The following UMODL1 variants were observed in gnomAD, a reference collection of about 807,000 sequenced individuals.
The protein encoded by UMODL1 is uromodulin like 1.
Under a neutral mutation model 136.3 loss-of-function variants are expected in UMODL1, and 128 were observed. That is an observed-to-expected ratio of 0.94 (90% CI 0.81 to 1.09). The LOEUF (loss-of-function observed/expected upper bound fraction) is 1.09, where lower values mean the gene tolerates loss of function less well. Among genes scored for constraint, UMODL1 ranks in the 50% least tolerant of loss-of-function variants. UMODL1 has a pLI of 0.00. For missense variants in UMODL1, 1,766 were observed against 1,725.6 expected (o/e 1.02, Z -0.41); for synonymous variants, 721 against 720.0 (o/e 1.00, Z -0.02).
At chr21:42,100,288 A>G (rs2066610719) in intron 7 of UMODL1, among the ~76,000 whole-genome samples, 1 of 152,166 alleles carries the variant, frequency 6.6e-6, no homozygotes. Flanking sequence ...AAGTTGCTGC[A>G]TGAAGACCAT....
chr21:42,072,191 C>G (rs554410828), intron 1 of UMODL1, among the ~76,000 whole-genome samples: 11 of 152,224 alleles, frequency 7.2e-5, no homozygotes, highest in African/African-American at 2.7e-4. Flanking sequence ...GGGCTCTGTC[C>G]GGAGTTTTCC....
chr21:42,133,668 C>T (rs769129891), intron 21 of UMODL1, among the ~76,000 whole-genome samples: 14 of 152,204 alleles, frequency 9.2e-5, no homozygotes, highest in Non-Finnish European at 1.9e-4. Flanking sequence ...GCCGCTTCCT[C>T]GTTTCTGCTG....
At chr21:42,103,660 G>T in intron 8 of UMODL1, 1 of 696,144 alleles carries the variant, frequency 1.4e-6, no homozygotes. Flanking sequence ...GCACACACCA[G>T]GCCAGGCCCG....
At chr21:42,094,901 G>A (rs1248936754) in intron 6 of UMODL1, among the ~76,000 whole-genome samples, 2 of 152,010 alleles carry the variant, frequency 1.3e-5, no homozygotes, top group African/African-American at 2.4e-5. Context: ...TCAAACAAGA[G>A]AAATGTATCC....
intron 6 of UMODL1, 132 bp from the exon 7 acceptor site, chr21:42,098,794 C>G: frequency 7.3e-7 from 1 of 1,369,558 alleles, no homozygotes. Context: ...ATAGCCAGTG[C>G]TGTTCTGGAT....
chr21:42,092,648 C>A (rs989396663), intron 6 of UMODL1, among the ~76,000 whole-genome samples: 3 of 152,218 alleles, frequency 2.0e-5, no homozygotes, highest in Admixed American at 6.5e-5. Context: ...TCTTTATATC[C>A]AATTTGAATT....
chr21:42,109,708 CG>C lies in UMODL1; in HGVS notation c.1657+10del, dbSNP rs753295116. 2.5e-6 allele frequency: 4 copies of C among 1,599,832 alleles called. No homozygotes were observed. The highest frequency in any genetic ancestry group is 3.4e-6 in the Non-Finnish European group (4 of 1,179,636). ...AGGCCGGGCCTGTGAGGGTACGTGT[CG>C]ACCCCCCTGCCGACTCTGGGAAGAC... On this transcript the variant is annotated intron_variant, in intron 10 of 22. Coordinates refer to ENST00000408910, the MANE Select transcript of UMODL1 (RefSeq NM_001004416.3).
chr21:42,116,083 C>T, intron 14 of UMODL1, 98 bp downstream of exon 14: 1 of 971,068 alleles, frequency 1.0e-6, no homozygotes, highest in Non-Finnish European at 1.5e-6. Flanking sequence ...CCCTGTAATC[C>T]TAGCACTTTG....
At chr21:42,132,824 G>C (rs1319208398) in intron 21 of UMODL1, among the ~76,000 whole-genome samples, 1 of 152,200 alleles carries the variant, frequency 6.6e-6, no homozygotes. Flanking sequence ...TTGTGGCTTT[G>C]TGCATGCTGC....
At chr21:42,069,272 A>ACACACACACACACACACACACAC (rs1601165420), upstream of UMODL1, among the ~76,000 whole-genome samples, 1 of 151,758 alleles carries the variant, frequency 6.6e-6, no homozygotes, top group Non-Finnish European at 1.5e-5. Context: ...ACACACAAAC[A>ACACACACACACACACACACACAC]GCAGGGGTAT....
At position 42,137,626 on chromosome 21, in the gene UMODL1, G is replaced by T. The variant is rs220178; in HGVS notation, c.*6G>T. On this transcript the variant is annotated 3_prime_UTR_variant, in exon 22 of 23. Coordinates refer to ENST00000408910, the MANE Select transcript of UMODL1 (RefSeq NM_001004416.3). ...ACCAGGTGTTCTACGAATAGGAGGCGCAGGCTGACAGGAAGGTGGGTGCGG... is the reference window on the plus strand; with the variant it reads ...ACCAGGTGTTCTACGAATAGGAGGCTCAGGCTGACAGGAAGGTGGGTGCGG... 3.1e-6 allele frequency: 4 copies of T among 1,293,946 alleles called. No individual in the cohort carries two copies. The highest frequency in any genetic ancestry group is 4.2e-5 in the Admixed American group (2 of 47,204). 80.2% of individuals were successfully genotyped at this position (1,293,946 alleles called of 1,614,324 possible).
chr21:42,104,113 G>A, intron 9 of UMODL1, 26 bp downstream of exon 9: 1 of 1,588,700 alleles, frequency 6.3e-7, no homozygotes, highest in Non-Finnish European at 8.6e-7. Context: ...CCGCCCTGCT[G>A]CCTGGTGTCC....
chr21:42,088,095 T>C (rs966889604), intron 4 of UMODL1, among the ~76,000 whole-genome samples, 199 bp from the exon 5 acceptor site: 1 of 152,236 alleles, frequency 6.6e-6, no homozygotes, highest in African/African-American at 2.4e-5. Context: ...CAACTGGTAC[T>C]GAAAGGTACT....
intron 9 of UMODL1, among the ~76,000 whole-genome samples, chr21:42,107,421 G>A (rs220117): frequency 0.28 from 43,024 of 151,956 alleles, 6,291 homozygotes; most frequent in East Asian, 0.37. Flanking sequence ...CACCCGCCTC[G>A]CCACTGCGCG....
chr21:42,116,105 C>T (rs1266076724), intron 14 of UMODL1, 120 bp downstream of exon 14: 10 of 553,844 alleles, frequency 1.8e-5, no homozygotes, highest in East Asian at 1.6e-4. Context: ...GAGGCAGAGG[C>T]GGGCAGATTG....
intron 10 of UMODL1, 87 bp downstream of exon 10, chr21:42,109,786 AG>A: frequency 1.4e-6 from 2 of 1,435,118 alleles, no homozygotes; most frequent in Non-Finnish European, 1.9e-6. Flanking sequence ...CCATAGGCAC[AG>A]GGCTGAGGAC....
rs563108718 is a variant in UMODL1 at position 42,083,021 on chromosome 21, T to G, written c.320-1063T>G. On this transcript the variant is annotated intron_variant, in intron 2 of 22. Transcript: ENST00000408910. ...ACCTCCCATGGGGACCCCACCGGGT[T>G]GGCCTCTTGCCTTCCTCATCTTTGC... Among the ~76,000 whole-genome samples the G allele has an allele frequency of 5.9e-4, 90 of 152,308 alleles. 1 individual carries two copies. Among genetic ancestry groups the G allele is most frequent in the Middle Eastern group, 3.4e-3 (1 of 294 alleles).
In UMODL1 at chr21:42,129,737, C is replaced by A. The variant is rs371410392; in HGVS notation, c.3715C>A (p.Gln1239Lys). The change falls in exon 21 of 23, where the codon CAA becomes AAA. Residue 1239 changes from glutamine to lysine, a missense_variant. By Grantham distance (53) the Gln-to-Lys change is moderately conservative. Coordinates refer to ENST00000408910, the MANE Select transcript of UMODL1 (RefSeq NM_001004416.3). Reference sequence around the variant, plus strand: ...GAATTGCAATAACTTTCGGTTGCTGCAAAATAGTGAAACCTCTGCCACACA... The same window carrying A: ...GAATTGCAATAACTTTCGGTTGCTGAAAAATAGTGAAACCTCTGCCACACA... ...KINCNNFRLL[Q>K]NSETSATHQM... The A allele has an allele frequency of 6.3e-6, 10 of 1,584,690 alleles. No homozygotes were observed. The African/African-American group carries it at 1.2e-4, about 20-fold the overall frequency.
intron 18 of UMODL1, 26 bp downstream of exon 18, chr21:42,126,516 C>T: frequency 6.2e-7 from 1 of 1,614,006 alleles, no homozygotes. Context: ...CCCGGCTGCC[C>T]CACAGCCACG....
Sources: allele counts gnomAD v4.1 joint callset (sites outside exome capture counted in the v4.1 genomes callset), GRCh38; gene constraint gnomAD v4.1.1; transcripts MANE v1.5; gene names NCBI Gene and HGNC (gene_info 2026-07-23, HGNC 2026-07-21).